The following CLCN5 variants were observed in gnomAD, a reference collection of about 807,000 sequenced individuals.
CLCN5 encodes the protein Cl-/H+ antiporter 5.
Under a neutral mutation model 54.0 loss-of-function variants are expected in CLCN5, and 17 were observed. That is an observed-to-expected ratio of 0.31 (90% CI 0.22 to 0.47). CLCN5 has a LOEUF of 0.47. CLCN5 is among the 20% of genes least tolerant of loss of function. The pLI, the probability that CLCN5 is intolerant of heterozygous loss-of-function variation, is 1.00. For missense variants in CLCN5, 448 were observed against 646.7 expected (o/e 0.69, Z 3.33); for synonymous variants, 222 against 233.0 (o/e 0.95, Z 0.43).
At chrX:49,958,641 G>A (rs1927450302) in intron 3 of CLCN5, among the ~76,000 whole-genome samples, 1 of 110,887 alleles carries the variant, frequency 9.0e-6, no homozygotes, top group South Asian at 3.8e-4. Context: ...ATTTTTTTCA[G>A]AGATTACCAG....
intron 4 of CLCN5, among the ~76,000 whole-genome samples, chrX:50,052,362 A>C (rs1425216540): frequency 3.6e-5 from 4 of 112,130 alleles, no homozygotes; most frequent in Admixed American, 1.9e-4. Context: ...CCAGCTTTGC[A>C]TACCTGGAAT....
intron 3 of CLCN5, among the ~76,000 whole-genome samples, chrX:50,019,509 G>A (rs1930980833): frequency 1.6e-5 from 1 of 63,877 alleles, no homozygotes. Flanking sequence ...TAAGTTTTAG[G>A]GTACATGTGC....
At chrX:49,973,362 A>T (rs187311806) in intron 3 of CLCN5, among the ~76,000 whole-genome samples, 22 of 111,127 alleles carry the variant, frequency 2.0e-4, no homozygotes, top group Admixed American at 3.8e-4. Context: ...TGTATTTTTT[A>T]AAAATTTTAT....
At chrX:50,084,245 G>A (rs1557193590) in intron 9 of CLCN5, among the ~76,000 whole-genome samples, 1 of 112,251 alleles carries the variant, frequency 8.9e-6, no homozygotes, top group African/African-American at 3.2e-5. Flanking sequence ...GTAAATATTT[G>A]TGCATCTAAA....
At chrX:50,061,005 G>A (rs1932850263) in intron 4 of CLCN5, among the ~76,000 whole-genome samples, 1 of 84,180 alleles carries the variant, frequency 1.2e-5, no homozygotes. Context: ...AAACCCATCT[G>A]TACATCACCA....
chrX:49,925,303 C>T lies in CLCN5; in HGVS notation c.5C>T (p.Ala2Val). The T allele has an allele frequency of 1.7e-6, 2 of 1,209,302 alleles. No individual in the cohort carries two copies. Among genetic ancestry groups the T allele is most frequent in the Non-Finnish European group, 2.2e-6 (2 of 893,494 alleles). ...GTGGGTGAAGATAGGATCAAGATGG[C>T]CATGTGGCAGGGTAAGAAATTAGCA... M[A>V]MWQGAMDNRG... Residue 2 changes from alanine (A) to valine (V), a missense_variant, in exon 3 of 15, where the codon GCC (alanine) becomes GTC (valine). Physicochemically the swap from Ala to Val is moderately conservative, Grantham distance 64. This residue lies in a region of CLCN5 where 69 missense variants were observed against 60.9 expected (regional missense o/e 1.13). Coordinates refer to ENST00000376091, the MANE Select transcript of CLCN5 (RefSeq NM_001127898.4).
chrX:50,049,501 C>T (rs782764626), intron 4 of CLCN5, among the ~76,000 whole-genome samples: 2 of 111,891 alleles, frequency 1.8e-5, no homozygotes, highest in Non-Finnish European at 3.8e-5. Flanking sequence ...AATTGTTAAC[C>T]CATACCCTCC....
At chrX:50,079,247 CAT>C (rs1157337526) in intron 7 of CLCN5, among the ~76,000 whole-genome samples, 1 of 111,728 alleles carries the variant, frequency 9.0e-6, no homozygotes, top group African/African-American at 3.3e-5. Context: ...AAATAGCAAT[CAT>C]GTGTTCCTCT....
intron 3 of CLCN5, among the ~76,000 whole-genome samples, chrX:49,986,773 A>G (rs927175483): frequency 3.6e-5 from 4 of 112,099 alleles, no homozygotes; most frequent in Admixed American, 9.5e-5. Flanking sequence ...GATGAGTTAA[A>G]TGAAAAAATT....
At chrX:50,090,629 CA>C (rs1412099748) in intron 13 of CLCN5, 40 bp from the exon 14 acceptor site, 1 of 1,163,194 alleles carries the variant, frequency 8.6e-7, no homozygotes, top group Non-Finnish European at 1.2e-6. Flanking sequence ...ATAGAGCTAG[CA>C]CGTCCATCTT....
At chrX:49,988,357 T>A (rs1168895147) in intron 3 of CLCN5, among the ~76,000 whole-genome samples, 1 of 111,771 alleles carries the variant, frequency 8.9e-6, no homozygotes, top group Non-Finnish European at 1.9e-5. Context: ...CGCAAGAAAC[T>A]GCTGCCAGAC....
At position 50,046,074 on chromosome X, in the gene CLCN5, G is replaced by C. The variant is rs1234515672; in HGVS notation, c.163+3612G>C. The stretch of plus-strand genomic sequence containing the variant: ...GAATAAATAAATTATGCATGGCATG[G>C]TTAAATGCATCTGAGGTAGTGTTAT... On this transcript the variant is annotated intron_variant, in intron 4 of 14. Coordinates refer to ENST00000376091, the MANE Select transcript of CLCN5 (RefSeq NM_001127898.4). 6.2e-5 allele frequency among the ~76,000 whole-genome samples: 7 copies of C among 112,521 alleles called. No individual in the cohort carries two copies. The Admixed American group carries it at 6.6e-4, about 11-fold the overall frequency.
chrX:50,022,270 G>A (rs1931138607), intron 3 of CLCN5, among the ~76,000 whole-genome samples: 2 of 26,282 alleles, frequency 7.6e-5, no homozygotes, highest in Non-Finnish European at 1.2e-4. Context: ...GCGTAGAGGT[G>A]TTTGTAGTAT....
intron 3 of CLCN5, among the ~76,000 whole-genome samples, chrX:49,942,164 G>C (rs1233559420): frequency 6.5e-3 from 1 of 155 alleles, no homozygotes; most frequent in Non-Finnish European, 0.013. Flanking sequence ...ATGAATTCGA[G>C]TGGCATTCTT....
At chrX:50,003,125 A>G (rs1557180784) in intron 3 of CLCN5, 1 of 378,750 alleles carries the variant, frequency 2.6e-6, no homozygotes, top group Non-Finnish European at 5.3e-6. Flanking sequence ...GCATGCACAC[A>G]GTATACAGGA....
chrX:50,070,062 T>C, intron 5 of CLCN5, 32 bp downstream of exon 5: 1 of 1,162,196 alleles, frequency 8.6e-7, no homozygotes, highest in Non-Finnish European at 1.2e-6. Flanking sequence ...GGGTAAGTGT[T>C]AGGAAATACA....
intron 12 of CLCN5, 137 bp from the exon 13 acceptor site, chrX:50,089,979 C>T: frequency 1.7e-6 from 1 of 600,930 alleles, no homozygotes; most frequent in East Asian, 3.3e-5. Flanking sequence ...ACCTTGCTTT[C>T]TTGCAATCTC....
intron 4 of CLCN5, among the ~76,000 whole-genome samples, chrX:50,062,914 T>C (rs1437586638): frequency 1.9e-5 from 2 of 108,070 alleles, no homozygotes; most frequent in Non-Finnish European, 1.9e-5. Context: ...GACTACTGGG[T>C]AAATAACGAA....
At chrX:50,071,384 A>G (rs1254494790) in intron 5 of CLCN5, among the ~76,000 whole-genome samples, 4 of 112,170 alleles carry the variant, frequency 3.6e-5, no homozygotes, top group Admixed American at 9.5e-5. Flanking sequence ...TCAATTCATC[A>G]GGCGGGCTTT....
Sources: allele counts gnomAD v4.1 joint callset (sites outside exome capture counted in the v4.1 genomes callset), GRCh38; gene constraint gnomAD v4.1.1; regional missense constraint gnomAD v4.1.1; transcripts MANE v1.5; gene names NCBI Gene and HGNC (gene_info 2026-07-23, HGNC 2026-07-21).